Variants in CADPS observed in about 807,000 individuals in gnomAD.
CADPS encodes calcium-dependent secretion activator 1.
Under a neutral mutation model 167.3 loss-of-function variants are expected in CADPS, and 57 were observed. That is an observed-to-expected ratio of 0.34 (90% confidence interval 0.28 to 0.42). The LOEUF (loss-of-function observed/expected upper bound fraction) is 0.42, where lower values mean the gene tolerates loss of function less well. Ranked by LOEUF, CADPS falls within the 20% of genes least tolerant of loss-of-function variation. CADPS has a pLI of 1.00. For synonymous variants in CADPS, 676 were observed against 635.3 expected (o/e 1.06, Z -0.96); for missense variants, 1,414 against 1,738.1 (o/e 0.81, Z 3.32).
At chr3:62,557,540 T>A in intron 9 of CADPS, 27 bp from the exon 10 acceptor site, 1 of 1,557,930 alleles carries the variant, frequency 6.4e-7, no homozygotes, top group South Asian at 1.1e-5. Flanking sequence ...GATTGTGAGG[T>A]TGACCCCTGG....
chr3:62,461,313 C>T (rs1050885382), intron 26 of CADPS, among the ~76,000 whole-genome samples: 1 of 152,200 alleles, frequency 6.6e-6, no homozygotes, highest in Admixed American at 6.5e-5. Flanking sequence ...TCATATTACA[C>T]TGAAGGAGAT....
Position 62,672,513 on chromosome 3 carries a change from C to T in CADPS, c.889-10119G>A, listed in dbSNP as rs1443463054. On this transcript the variant is annotated intron_variant, in intron 3 of 29. Coordinates refer to ENST00000383710, the MANE Select transcript of CADPS (RefSeq NM_003716.4). ...TGCACAGCTTTCCAGCCTCATCTCC[C>T]ACCACTCTGTCTTGTTCTCTACGCT... is the stretch of plus-strand genomic sequence containing the variant. 3.9e-5 allele frequency among the ~76,000 whole-genome samples: 6 copies of T among 152,168 alleles called. No individual in the cohort carries two copies. The East Asian group carries it at 1.2e-3, about 29-fold the overall frequency.
In CADPS at chr3:62,765,922, G is replaced by A. The variant is rs1326146067; in HGVS notation, c.504C>T (p.Thr168=). 3 of 1,613,446 alleles carry A rather than the reference G, an allele frequency of 1.9e-6. No homozygotes were observed. The Admixed American group carries it at 5.0e-5, about 27-fold the overall frequency. ...DRFQAFLNGE[T]QIMADEAFMN... ...TGAAGGCTTCGTCAGCCATGATCTG[G>A]GTTTCCCCATTGAGGAAAGCCTGAA... is the stretch of plus-strand genomic sequence containing the variant. Residue 168 remains threonine, a synonymous_variant, in exon 2 of 30, where the codon ACC becomes ACT. Transcript: ENST00000383710.
intron 27 of CADPS, among the ~76,000 whole-genome samples, chr3:62,444,992 TTTTC>T (rs1388301892): frequency 6.6e-6 from 1 of 152,212 alleles, no homozygotes; most frequent in Non-Finnish European, 1.5e-5. Flanking sequence ...AACAAAATCA[TTTTC>T]TTTTTCACTT....
At chr3:62,804,016 T>C (rs2093937437) in intron 1 of CADPS, among the ~76,000 whole-genome samples, 1 of 152,108 alleles carries the variant, frequency 6.6e-6, no homozygotes, top group South Asian at 2.1e-4. Flanking sequence ...AAAGGACCTT[T>C]CCTGACCACA....
At chr3:62,815,044 T>C (rs2094551213) in intron 1 of CADPS, among the ~76,000 whole-genome samples, 2 of 152,330 alleles carry the variant, frequency 1.3e-5, no homozygotes, top group East Asian at 1.9e-4. Flanking sequence ...TACATGTATA[T>C]AGTTTTGTAA....
intron 13 of CADPS, chr3:62,530,795 T>TAC: frequency 1.6e-6 from 2 of 1,277,954 alleles, no homozygotes; most frequent in Non-Finnish European, 2.0e-6. Context: ...CCCACTAAGG[T>TAC]ACACATGCAT....
intron 3 of CADPS, among the ~76,000 whole-genome samples, chr3:62,743,584 T>C (rs1422287112): frequency 6.6e-6 from 1 of 152,186 alleles, no homozygotes; most frequent in Non-Finnish European, 1.5e-5. Flanking sequence ...GGTCATCCAA[T>C]TGGCCAGATC....
At chr3:62,424,359 A>G (rs980765151) in intron 28 of CADPS, among the ~76,000 whole-genome samples, 5 of 151,994 alleles carry the variant, frequency 3.3e-5, no homozygotes, top group African/African-American at 1.2e-4. Context: ...AACTTTTTGT[A>G]TTTTTAGTAG....
At chr3:62,416,988 T>C (rs1453428847) in intron 28 of CADPS, among the ~76,000 whole-genome samples, 1 of 150,990 alleles carries the variant, frequency 6.6e-6, no homozygotes, top group Admixed American at 6.6e-5. Context: ...TGGGCTCAGG[T>C]GATCCTCCCA....
chr3:62,816,887 G>C lies in CADPS; in HGVS notation c.442-50903C>G, dbSNP rs557396408. ...GATCTACTAGTGATCCAGAAGCTAC[G>C]CTGAAGCCCAGGTTTTCCTCCTCCT... On this transcript the variant is annotated intron_variant, in intron 1 of 29. Transcript: ENST00000383710. Among the ~76,000 whole-genome samples the C allele has an allele frequency of 2.6e-5, 4 of 152,232 alleles. No individual in the cohort carries two copies. The East Asian group carries it at 7.7e-4, about 29-fold the overall frequency.
At chr3:62,832,601 C>T (rs773671861) in intron 1 of CADPS, among the ~76,000 whole-genome samples, 3 of 152,188 alleles carry the variant, frequency 2.0e-5, no homozygotes, top group Non-Finnish European at 4.4e-5. Flanking sequence ...CAGCTTGATG[C>T]ACACTTGTTA....
intron 11 of CADPS, among the ~76,000 whole-genome samples, chr3:62,539,945 G>A (rs771514353): frequency 1.3e-5 from 2 of 152,090 alleles, no homozygotes; most frequent in Non-Finnish European, 2.9e-5. Context: ...GGCCTCCTTG[G>A]CCTCATTTGT....
At chr3:62,503,538 C>A (rs1392599052) in intron 17 of CADPS, among the ~76,000 whole-genome samples, 1 of 152,202 alleles carries the variant, frequency 6.6e-6, no homozygotes, top group Non-Finnish European at 1.5e-5. Context: ...TTCAAGTGAG[C>A]TAGGAAATAT....
chr3:62,572,049 TCTA>T (rs1167967693), intron 8 of CADPS, among the ~76,000 whole-genome samples: 4 of 152,190 alleles, frequency 2.6e-5, no homozygotes, highest in Non-Finnish European at 5.9e-5. Flanking sequence ...GCTTTACCTG[TCTA>T]CTGTCATCAA....
chr3:62,442,215 C>CTTT (rs61098701), intron 27 of CADPS, among the ~76,000 whole-genome samples: 9,181 of 141,212 alleles, frequency 0.065, 353 homozygotes, highest in African/African-American at 0.089. Context: ...TAAACTGACT[C>CTTT]TTTTTTTTTT....
chr3:62,842,848 C>A (rs572755094), intron 1 of CADPS, among the ~76,000 whole-genome samples: 11 of 152,250 alleles, frequency 7.2e-5, no homozygotes, highest in African/African-American at 2.6e-4. Flanking sequence ...TAATCATTTT[C>A]ATGATATATA....
intron 1 of CADPS, among the ~76,000 whole-genome samples, chr3:62,807,649 G>C (rs1004492791): frequency 6.6e-6 from 1 of 151,924 alleles, no homozygotes; most frequent in African/African-American, 2.4e-5. Context: ...TTTCATAGGG[G>C]TGAGCTCATT....
chr3:62,612,760 T>C (rs2061677446), intron 6 of CADPS, among the ~76,000 whole-genome samples: 1 of 152,108 alleles, frequency 6.6e-6, no homozygotes, highest in Non-Finnish European at 1.5e-5. Flanking sequence ...TCCTCTGAGT[T>C]TTCCAGTGAA....
Sources: allele counts gnomAD v4.1 joint callset (sites outside exome capture counted in the v4.1 genomes callset), GRCh38; gene constraint gnomAD v4.1.1; transcripts MANE v1.5; gene names NCBI Gene and HGNC (gene_info 2026-07-23, HGNC 2026-07-21).